Variants in TTN observed in about 807,000 individuals in gnomAD.
The protein encoded by TTN is titin, also known as connectin.
In TTN, 1,525 loss-of-function variants were observed where a neutral mutation model predicts 3,223.0. That is an observed-to-expected ratio of 0.47 (90% CI 0.45 to 0.49). The LOEUF is 0.49. Ranked by LOEUF, TTN falls within the 20% of genes least tolerant of loss-of-function variation. The pLI is 0.00. For synonymous variants in TTN, 14,094 were observed against 15,161.0 expected (o/e 0.93, Z 5.17); for missense variants, 40,786 against 43,424.0 (o/e 0.94, Z 5.40).
intron 210 of TTN, 75 bp downstream of exon 210, chr2:178,650,089 T>C: frequency 1.4e-6 from 2 of 1,386,442 alleles, no homozygotes; most frequent in South Asian, 1.3e-5. Context: ...GACTGATATT[T>C]TGCCTTAAGG....
rs546821182 is a variant in TTN, at chr2:178,727,257, C to T, written c.20108G>A (p.Arg6703Gln). 55 of 1,613,112 alleles carry T rather than the reference C, an allele frequency of 3.4e-5. No homozygotes were observed. The Middle Eastern group carries it at 9.9e-4, about 29-fold the overall frequency. ...GSPEIRVVWFRNEHELPASDK... is the reference protein window; with the variant it reads ...GSPEIRVVWFQNEHELPASDK... ...ACTGGCTGGAAGTTCATGTTCATTT[C>T]GGAACCACACAACTCTGATTTCTGG... is the stretch of plus-strand genomic sequence containing the variant. Residue 6703 changes from arginine (R) to glutamine (Q), a missense_variant, in exon 69 of 363, where the codon CGA becomes CAA. Transcript: ENST00000589042.
In TTN at chr2:178,554,893, G is replaced by A. The variant is rs375562207; in HGVS notation, c.88566C>T (p.Ala29522=). The change falls in exon 331 of 363, where the codon GCC becomes GCT. Residue 29522 remains alanine (A), a synonymous_variant. Coordinates refer to ENST00000589042, the MANE Select transcript of TTN (RefSeq NM_001267550.2). ...GGATCTGTACTCTGATGGTGGCTGA[G>A]GCTGAGCCCATGGCATTCCTTAGTT... is the stretch of plus-strand genomic sequence containing the variant. ...ELKLRNAMGS[A]SATIRVQILD... The A allele has an allele frequency of 3.1e-6, 5 of 1,613,816 alleles. No individual in the cohort carries two copies. In the African/African-American group the frequency reaches 6.7e-5, roughly 22 times the overall value.
rs768979567 is a variant in TTN at position 178,670,278 on chromosome 2, T to G, written c.35326A>C (p.Lys11776Gln). 20 of 1,491,560 alleles carry G rather than the reference T, an allele frequency of 1.3e-5. No individual in the cohort carries two copies. The Admixed American group carries it at 3.0e-4, about 22-fold the overall frequency. The allele number at this position is 1,491,560 out of a possible 1,614,324, so 92.4% of individuals were successfully genotyped here. A position where few individuals can be genotyped will look rare whatever the true frequency, so the allele number is the denominator to read the frequency against. The change falls in exon 157 of 363, where the codon AAA becomes CAA. Residue 11776 changes from lysine (K) to glutamine (Q), a missense_variant. Transcript: ENST00000589042. ...PPAKVPEVPKKIVVEEKVRVP... is the reference protein window; with the variant it reads ...PPAKVPEVPKQIVVEEKVRVP... ...CGTACTTTTTCTTCTACCACAATTT[T>G]CTTAGGCACCTCCGGTACTTTAAAG...
chr2:178,680,201 G>A, intron 139 of TTN, 53 bp downstream of exon 139: 2 of 1,598,414 alleles, frequency 1.3e-6, no homozygotes, highest in Non-Finnish European at 1.7e-6. Context: ...GAACTGAAGA[G>A]GAATTCAACA....
In TTN at chr2:178,723,322, G is replaced by A. The variant is rs776552959; in HGVS notation, c.21685C>T (p.Pro7229Ser). 1 of 1,610,796 alleles carries A rather than the reference G, an allele frequency of 6.2e-7. No individual in the cohort carries two copies. The highest frequency in any genetic ancestry group is 8.5e-7 in the Non-Finnish European group (1 of 1,178,254). ...CTTAATCTCTTCAAAAATGCAGCTG[G>A]TTCTAGTAAGTGACAAAGCACAGCA... ...SCTTRLFVKE[P>S]AAFLKRLSDH... Residue 7229 changes from proline (P) to serine (S), a missense_variant and splice_region_variant, in exon 75 of 363, where the codon CCA becomes TCA. Physicochemically the swap from Pro to Ser is moderately conservative, Grantham distance 74. Transcript: ENST00000589042.
Position 178,557,377 on chromosome 2 carries a change from A to C in TTN, c.87885T>G (p.Thr29295=), listed in dbSNP as rs777507621. ...CACTGATTGTTGTGACTTTGAAGTG[A>C]GTTGTGCGGATGACCAGTTTGTTGG... ...QKANKLVIRT[T]HFKVTTISAG... Residue 29295 remains threonine (T), a synonymous_variant, in exon 329 of 363, where the codon ACT becomes ACG. Coordinates refer to ENST00000589042, the MANE Select transcript of TTN (RefSeq NM_001267550.2). 3 of 1,613,816 alleles carry C rather than the reference A, an allele frequency of 1.9e-6. No homozygotes were observed. The African/African-American group carries it at 4.0e-5, about 22-fold the overall frequency.
intron 240 of TTN, among the ~76,000 whole-genome samples, chr2:178,625,726 G>A (rs1289232734): frequency 6.6e-6 from 1 of 151,918 alleles, no homozygotes; most frequent in African/African-American, 2.4e-5. Context: ...CTGCTGTAAA[G>A]ACACATGCAC....
rs750803038 is a variant in TTN, at chr2:178,548,152, G to A, written c.93474C>T (p.Asp31158=). Residue 31158 remains aspartate, a synonymous_variant, in exon 339 of 363, where the codon GAC becomes GAT. Coordinates refer to ENST00000589042, the MANE Select transcript of TTN (RefSeq NM_001267550.2). The surrounding 1 kb of genome is among the most constrained non-coding windows in gnomAD (Gnocchi z 4.3). ...TGGTGTGACCAGCTTCAACCCAGAA[G>A]TCAGATCCCTTTTGTCTCATTTCAA... ...YLLEMRQKGS[D]FWVEAGHTKQ... is the part of the protein sequence containing the mutation. 37 of 1,613,766 alleles carry A rather than the reference G, an allele frequency of 2.3e-5. No homozygotes were observed. Among genetic ancestry groups the A allele is most frequent in the Middle Eastern group, 1.6e-4 (1 of 6,084 alleles).
Position 178,574,686 on chromosome 2 carries a change from C to T in TTN, c.71446G>A (p.Ala23816Thr). Residue 23816 changes from alanine to threonine, a missense_variant, in exon 326 of 363, where the codon GCA (alanine) becomes ACA (threonine). Physicochemically the swap from Ala to Thr is moderately conservative, Grantham distance 58. Coordinates refer to ENST00000589042, the MANE Select transcript of TTN (RefSeq NM_001267550.2). ...RYGVGPGITS[A>T]CIVANYPFKV... ...AATGGATAGTTGGCAACTATGCATG[C>T]TGATGTGATGCCTGGTCCAACTCCA... The T allele has an allele frequency of 1.2e-6, 2 of 1,613,280 alleles. No homozygotes were observed. The highest frequency in any genetic ancestry group is 1.7e-6 in the Non-Finnish European group (2 of 1,179,560).
In TTN at chr2:178,750,772, T is replaced by C. The variant is rs140246156; in HGVS notation, c.11311+2352A>G. ...TACCAAAAGATTCGCTGGCATGTGG[T>C]GTAATAGCTTGAGACACATTTTCAG... is the stretch of plus-strand genomic sequence containing the variant. On this transcript the variant is annotated intron_variant, in intron 47 of 362. Coordinates refer to ENST00000589042, the MANE Select transcript of TTN (RefSeq NM_001267550.2). 84 of 1,613,120 alleles carry C rather than the reference T, an allele frequency of 5.2e-5. 1 individual carries two copies. In the African/African-American group the frequency reaches 1.1e-3, roughly 21 times the overall value.
chr2:178,558,648 A>G lies in TTN; in HGVS notation c.86822-11T>C. On this transcript the variant is annotated splice_polypyrimidine_tract_variant and intron_variant, in intron 326 of 362. Transcript: ENST00000589042. ...GTGGGCTTGGTTTTTCTAAGAAAAC[A>G]AAGCATCAAAAGAAAGTGAATAATT... 6.2e-7 allele frequency: 1 copy of G among 1,606,418 alleles called. No individual in the cohort carries two copies. The highest frequency in any genetic ancestry group is 8.5e-7 in the Non-Finnish European group (1 of 1,178,504).
intron 71 of TTN, 140 bp from the exon 72 acceptor site, chr2:178,724,678 T>C: frequency 1.4e-6 from 1 of 732,764 alleles, no homozygotes; most frequent in East Asian, 3.2e-5. Flanking sequence ...TGTGATTCCA[T>C]AATTACATGC....
At chr2:178,679,226 C>T (rs2154269570) in intron 142 of TTN, 113 bp downstream of exon 142, 3 of 1,121,044 alleles carry the variant, frequency 2.7e-6, no homozygotes, top group East Asian at 2.4e-5. Context: ...AGGCGCTTGT[C>T]ATGGCATTAA....
chr2:178,616,440 C>G, intron 257 of TTN, 39 bp downstream of exon 257: 4 of 1,605,664 alleles, frequency 2.5e-6, no homozygotes, highest in Non-Finnish European at 3.4e-6. Context: ...TTCCCCTACT[C>G]TCATTTTTGG....
Position 178,551,967 on chromosome 2 carries a change from A to G in TTN, c.90933T>C (p.Leu30311=). The G allele has an allele frequency of 6.2e-7, 1 of 1,611,944 alleles. No individual in the cohort carries two copies. Among genetic ancestry groups the G allele is most frequent in the Non-Finnish European group, 8.5e-7 (1 of 1,178,224 alleles). ...AENRYGVSQP[L]VSSIIVAKHQ... ...GTTTTGCCACAATAATGCTTGAGAC[A>G]AGTGGTTGGCTGACTCCGTATCTGT... Residue 30311 remains leucine, a synonymous_variant, in exon 335 of 363, where the codon CTT becomes CTC. Transcript: ENST00000589042.
chr2:178,799,466 C>T (rs576505231), intron 6 of TTN, 21 bp downstream of exon 6: 87 of 1,614,018 alleles, frequency 5.4e-5, no homozygotes, highest in African/African-American at 2.0e-4. Context: ...CAATAATCTG[C>T]TCTCTCTATG....
chr2:178,537,830 C>T lies in TTN; in HGVS notation c.99377G>A (p.Gly33126Glu), dbSNP rs772933494. The change falls in exon 355 of 363, where the codon GGA becomes GAA. Residue 33126 changes from glycine to glutamate, a missense_variant. Transcript: ENST00000589042. Reference protein sequence around the residue: ...EAAQLSCQIVGRPLPDIKWYR... With the variant: ...EAAQLSCQIVERPLPDIKWYR... ...CCATTTAATGTCAGGAAGAGGCCTT[C>T]CAACAATCTGGCATGAGAGTTGAGC... 1.2e-6 allele frequency: 2 copies of T among 1,613,688 alleles called. No homozygotes were observed. The highest frequency in any genetic ancestry group is 1.7e-6 in the Non-Finnish European group (2 of 1,179,722).
chr2:178,549,104 T>C lies in TTN; in HGVS notation c.92522A>G (p.Glu30841Gly), dbSNP rs761617318. Residue 30841 changes from glutamate to glycine, a missense_variant, in exon 339 of 363, where the codon GAA (glutamate) becomes GGA (glycine). By Grantham distance (98) the Glu-to-Gly change is moderately conservative. Transcript: ENST00000589042. Reference sequence around the variant, plus strand: ...ACCATCAAACACTGGTTTGGACCATTCTAAGCTCACAGTTGTCTTTGATGT... The same window carrying C: ...ACCATCAAACACTGGTTTGGACCATCCTAAGCTCACAGTTGTCTTTGATGT... ...TDTSKTTVSL[E>G]WSKPVFDGGM... 1.2e-6 allele frequency: 2 copies of C among 1,613,788 alleles called. No homozygotes were observed. Among genetic ancestry groups the C allele is most frequent in the African/African-American group, 2.7e-5 (2 of 74,922 alleles).
Position 178,558,250 on chromosome 2 carries a change from T to C in TTN, c.87119-15A>G. 1.3e-6 allele frequency: 2 copies of C among 1,596,692 alleles called. No individual in the cohort carries two copies. Among genetic ancestry groups the C allele is most frequent in the Non-Finnish European group, 1.7e-6 (2 of 1,175,276 alleles). ...TTCAGGTGGTTCTGAAAAATGAGTATAGAAAGTGAAAGTGAAAAAGTGTTT... is the reference window on the plus strand; with the variant it reads ...TTCAGGTGGTTCTGAAAAATGAGTACAGAAAGTGAAAGTGAAAAAGTGTTT... On this transcript the variant is annotated splice_polypyrimidine_tract_variant and intron_variant, in intron 327 of 362. Coordinates refer to ENST00000589042, the MANE Select transcript of TTN (RefSeq NM_001267550.2).
Sources: gnomAD v4.1 joint callset for allele counts (sites outside exome capture counted in the v4.1 genomes callset) on GRCh38, gnomAD v4.1.1 for gene constraint, Gnocchi (gnomAD v3.1) non-coding constraint, MANE v1.5 for transcripts, NCBI Gene and HGNC (gene_info 2026-07-23, HGNC 2026-07-21) for gene names.